MIA2: variants seen among roughly 807,000 people sequenced by gnomAD.
The protein encoded by MIA2 is melanoma inhibitory activity protein 2.
MIA2 carries 127 observed loss-of-function variants against 167.8 expected under a neutral mutation model. The ratio of observed to expected loss-of-function variants is 0.76; its 90% CI spans 0.66 to 0.88. MIA2 has a LOEUF of 0.88. Ranked by LOEUF, MIA2 falls within the 40% of genes least tolerant of loss-of-function variation. MIA2 has a pLI of 0.00. For synonymous variants in MIA2, 552 were observed against 541.9 expected (o/e 1.02, Z -0.26); for missense variants, 1,690 against 1,624.7 (o/e 1.04, Z -0.69).
intron 6 of MIA2, among the ~76,000 whole-genome samples, chr14:39,261,539 C>T (rs2055116814): frequency 6.6e-6 from 1 of 152,138 alleles, no homozygotes; most frequent in East Asian, 1.9e-4. Flanking sequence ...GCTATTTCTA[C>T]TTCTAGATCC....
intron 25 of MIA2, among the ~76,000 whole-genome samples, chr14:39,331,180 G>A (rs1216725887): frequency 2.6e-5 from 4 of 151,902 alleles, no homozygotes; most frequent in Admixed American, 2.0e-4. Flanking sequence ...GTTAGCTCTT[G>A]GTGTTGCATT....
intron 23 of MIA2, among the ~76,000 whole-genome samples, chr14:39,357,417 C>G (rs2074557890): frequency 6.6e-6 from 1 of 152,166 alleles, no homozygotes. Flanking sequence ...ATATCTTCCT[C>G]CATCCCTTTA....
intron 21 of MIA2, among the ~76,000 whole-genome samples, chr14:39,317,275 A>G (rs770011107): frequency 6.6e-6 from 1 of 152,200 alleles, no homozygotes; most frequent in Non-Finnish European, 1.5e-5. Context: ...AGTGACACTG[A>G]GCAGTAGCTT....
At position 39,265,508 on chromosome 14, in the gene MIA2, T is replaced by TG. The variant is rs576499193; in HGVS notation, c.1888-11420dup. ...GTTAAGCTTTACTGTGTTTTTGCTA[T>TG]GGGGGGAACTTGGATTTTTCTTTTT... is the stretch of plus-strand genomic sequence containing the variant. On this transcript the variant is annotated intron_variant, in intron 6 of 28. Transcript: ENST00000640607. The TG allele has an allele frequency of 2.8e-4, 273 of 986,428 alleles. 1 individual carries two copies. The African/African-American group carries it at 4.0e-3, about 14-fold the overall frequency. 61.1% of individuals were successfully genotyped at this position (986,428 alleles called of 1,614,324 possible).
intron 6 of MIA2, chr14:39,268,880 TG>T: frequency 2.6e-6 from 1 of 388,940 alleles, no homozygotes; most frequent in South Asian, 1.1e-4. Context: ...TTTCTGGCTG[TG>T]GTAACTTATT....
chr14:39,331,051 G>A (rs972822264), intron 25 of MIA2, among the ~76,000 whole-genome samples: 1 of 152,210 alleles, frequency 6.6e-6, no homozygotes, highest in Admixed American at 6.5e-5. Flanking sequence ...AATATTGACA[G>A]TGGGGTGTCA....
intron 9 of MIA2, among the ~76,000 whole-genome samples, chr14:39,285,702 G>A (rs1411441317): frequency 1.1e-4 from 11 of 99,118 alleles, no homozygotes; most frequent in African/African-American, 3.9e-4. Flanking sequence ...GCTGCCGGGC[G>A]GAGACGCTCC....
intron 25 of MIA2, among the ~76,000 whole-genome samples, chr14:39,343,269 C>T (rs141866789): frequency 0.02 from 3,027 of 152,188 alleles, 105 homozygotes; most frequent in African/African-American, 0.066. Context: ...CTCAGCCTCC[C>T]GAGTAGCTGG....
chr14:39,254,166 C>G (rs1423394526), intron 6 of MIA2, among the ~76,000 whole-genome samples: 1 of 152,176 alleles, frequency 6.6e-6, no homozygotes, highest in East Asian at 1.9e-4. Flanking sequence ...CATATTTGAG[C>G]TGATTTTGAA....
intron 6 of MIA2, chr14:39,266,491 A>T: frequency 1.0e-6 from 1 of 985,492 alleles, no homozygotes; most frequent in South Asian, 4.7e-5. Context: ...AATGGAACTG[A>T]AGACAGCTGG....
intron 23 of MIA2, among the ~76,000 whole-genome samples, chr14:39,384,598 G>A (rs974970389): frequency 6.6e-6 from 1 of 152,246 alleles, no homozygotes; most frequent in African/African-American, 2.4e-5. Flanking sequence ...AATTTTCACA[G>A]TATATATTTG....
downstream of MIA2, among the ~76,000 whole-genome samples, chr14:39,355,124 T>C (rs867873783): frequency 1.2e-4 from 18 of 151,276 alleles, no homozygotes; most frequent in Middle Eastern, 3.4e-3. Context: ...GGGGATGGCA[T>C]TGAATCTATA....
chr14:39,329,225 G>A (rs1370700697), intron 25 of MIA2, among the ~76,000 whole-genome samples: 1 of 152,116 alleles, frequency 6.6e-6, no homozygotes, highest in Admixed American at 6.5e-5. Flanking sequence ...TCTCTTTGTA[G>A]TAATTGCGAA....
intron 10 of MIA2, chr14:39,292,774 G>A (rs1002825602): frequency 1.6e-5 from 3 of 186,616 alleles, no homozygotes; most frequent in East Asian, 1.8e-4. Context: ...AAATTAAAAA[G>A]GTCATAGAAA....
At chr14:39,360,021 A>G (rs972979111) in intron 23 of MIA2, among the ~76,000 whole-genome samples, 3 of 138,806 alleles carry the variant, frequency 2.2e-5, no homozygotes, top group African/African-American at 5.3e-5. Context: ...TGTCTTATTA[A>G]TAGCCATTCT....
intron 9 of MIA2, among the ~76,000 whole-genome samples, chr14:39,286,402 C>A (rs2059793320): frequency 6.6e-6 from 1 of 151,856 alleles, no homozygotes; most frequent in African/African-American, 2.4e-5. Flanking sequence ...GCAGTACAGT[C>A]CAGCTTTGGC....
In MIA2 at chr14:39,370,514, C is replaced by T. The variant is rs546153831; in HGVS notation, c.2249-16371C>T. 48 of 292,576 alleles carry T rather than the reference C, an allele frequency of 1.6e-4. 2 individuals are homozygous for T. The South Asian group carries it at 1.9e-3, about 11-fold the overall frequency. The allele number at this position is 292,576 out of a possible 1,614,324, so 18.1% of individuals were successfully genotyped here. On this transcript the variant is annotated intron_variant, in intron 23 of 23. Coordinates refer to the MIA2 transcript ENST00000341502. ...TTGAGGTCACCCATCACTTTGTAGG[C>T]CAGATTGTCATGGAGACTGCGCAGT... is the stretch of plus-strand genomic sequence containing the variant.
intron 6 of MIA2, among the ~76,000 whole-genome samples, chr14:39,275,400 C>G (rs1458353355): frequency 6.6e-6 from 1 of 152,210 alleles, no homozygotes; most frequent in Non-Finnish European, 1.5e-5. Flanking sequence ...GTTGGCTTCC[C>G]AAAGTGCTGG....
chr14:39,357,713 G>T (rs952919551), intron 23 of MIA2, among the ~76,000 whole-genome samples: 1 of 152,178 alleles, frequency 6.6e-6, no homozygotes, highest in African/African-American at 2.4e-5. Flanking sequence ...TCCATGTGTA[G>T]TGCTTCCTTC....
Sources: allele counts gnomAD v4.1 joint callset (sites outside exome capture counted in the v4.1 genomes callset), GRCh38; gene constraint gnomAD v4.1.1; transcripts MANE v1.5; gene names NCBI Gene and HGNC (gene_info 2026-07-23, HGNC 2026-07-21).